FARP1: variants seen among roughly 807,000 people sequenced by gnomAD.
FARP1 encodes the protein FERM, ARHGEF and pleckstrin domain-containing protein 1.
In FARP1, 52 loss-of-function variants were observed where a neutral mutation model predicts 128.8. The ratio of observed to expected loss-of-function variants is 0.40; its 90% CI spans 0.32 to 0.51. The LOEUF (loss-of-function observed/expected upper bound fraction) is 0.51, where lower values mean the gene tolerates loss of function less well. Among genes scored for constraint, FARP1 ranks in the 20% least tolerant of loss-of-function variants. The probability of loss-of-function intolerance (pLI) is 0.45; values close to 1 mark genes in which losing one functional copy is unlikely to be tolerated. For synonymous variants in FARP1, 580 were observed against 551.8 expected (o/e 1.05, Z -0.72); for missense variants, 1,333 against 1,367.9 (o/e 0.97, Z 0.40).
chr13:98,208,662 AGT>A lies in FARP1; in HGVS notation c.-23-4554_-23-4553del, dbSNP rs1435370338. On this transcript the variant is annotated intron_variant, in intron 1 of 26. Transcript: ENST00000319562. The stretch of plus-strand genomic sequence containing the variant: ...TGATGGACCGTAGGTGAGGAAGGTG[AGT>A]GTGGGAGAAGTCAGGAGTAAATGGT... 2.6e-5 allele frequency: 4 copies of A among 152,992 alleles called. No individual in the cohort carries two copies. In the East Asian group the frequency reaches 7.8e-4, roughly 30 times the overall value. The allele number at this position is 152,992 out of a possible 1,614,324, so 9.5% of individuals were successfully genotyped here. A position where few individuals can be genotyped will look rare whatever the true frequency, so the allele number is the denominator to read the frequency against.
At chr13:98,292,867 C>T (rs1885512168) in intron 2 of FARP1, among the ~76,000 whole-genome samples, 1 of 152,126 alleles carries the variant, frequency 6.6e-6, no homozygotes, top group African/African-American at 2.4e-5. Flanking sequence ...CTGCTGGTAA[C>T]TCTGGTCTAG....
chr13:98,304,330 C>G (rs1221330150), intron 2 of FARP1, among the ~76,000 whole-genome samples: 1 of 152,174 alleles, frequency 6.6e-6, no homozygotes, highest in East Asian at 1.9e-4. Flanking sequence ...TTATGATTTT[C>G]ATTCATCTAA....
rs553329278 is a variant in FARP1, at chr13:98,324,352, C to A, written c.172-19410C>A. 2.0e-5 allele frequency among the ~76,000 whole-genome samples: 3 copies of A among 152,274 alleles called. No homozygotes were observed. The South Asian group carries it at 6.2e-4, about 32-fold the overall frequency. On this transcript the variant is annotated intron_variant, in intron 2 of 26. Transcript: ENST00000319562. ...AGTATGGAAAAGCGAAACACGGTTC[C>A]TGCTGCGCCCACTGCTTTTTGTGTA...
intron 10 of FARP1, 110 bp downstream of exon 10, chr13:98,390,230 C>T (rs1002549357): frequency 9.9e-6 from 12 of 1,214,962 alleles, no homozygotes; most frequent in African/African-American, 1.5e-5. Flanking sequence ...CATTGGCCTC[C>T]AGGAGCTATG....
intron 11 of FARP1, among the ~76,000 whole-genome samples, chr13:98,391,906 T>A (rs1284373676): frequency 1.3e-5 from 2 of 152,184 alleles, no homozygotes; most frequent in Non-Finnish European, 2.9e-5. Context: ...GTAGCGTTTT[T>A]AAAAAACTTT....
intron 2 of FARP1, among the ~76,000 whole-genome samples, chr13:98,225,533 C>T (rs567977621): frequency 4.7e-4 from 71 of 152,320 alleles, no homozygotes; most frequent in African/African-American, 1.6e-3. Context: ...CTTCGTTTCC[C>T]TTCCTTTCCA....
chr13:98,306,284 A>G (rs1285786225), intron 2 of FARP1, among the ~76,000 whole-genome samples: 1 of 152,184 alleles, frequency 6.6e-6, no homozygotes, highest in Non-Finnish European at 1.5e-5. Context: ...AAAAGGAGAA[A>G]TTGCCTGACC....
Position 98,448,202 on chromosome 13 carries a change from A to C in FARP1, c.3057-34A>C, listed in dbSNP as rs756892006. 4 of 1,591,402 alleles carry C rather than the reference A, an allele frequency of 2.5e-6. No individual in the cohort carries two copies. The South Asian group carries it at 3.3e-5, about 13-fold the overall frequency. On this transcript the variant is annotated intron_variant, in intron 26 of 26. Coordinates refer to ENST00000319562, the MANE Select transcript of FARP1 (RefSeq NM_005766.4). ...CAAAGTGTCAGGAGTCCGTCCAAAC[A>C]AAAGGTTGACTAACTGGCGTTCCCG...
Position 98,453,073 on chromosome 13 carries a change from C to G in FARP1, c.*4756C>G. On this transcript the variant is annotated 3_prime_UTR_variant, in exon 27 of 27. Transcript: ENST00000319562. The stretch of plus-strand genomic sequence containing the variant: ...GCTGGGGTGGCTCCCAGTGGCGCAC[C>G]TCTTCGGTGGAGTCAGCGAAGGCTC... 1 of 1,419,260 alleles carries G rather than the reference C, an allele frequency of 7.0e-7. No individual in the cohort carries two copies. The highest frequency in any genetic ancestry group is 9.8e-7 in the Non-Finnish European group (1 of 1,021,320). The allele number at this position is 1,419,260 out of a possible 1,614,324, so 87.9% of individuals were successfully genotyped here.
chr13:98,448,426 T>G lies in FARP1; in HGVS notation c.*109T>G, dbSNP rs1892998668. 6.5e-6 allele frequency: 6 copies of G among 916,394 alleles called. No individual in the cohort carries two copies. In the Admixed American group the frequency reaches 9.5e-5, roughly 15 times the overall value. 56.8% of individuals were successfully genotyped at this position (916,394 alleles called of 1,614,324 possible). On this transcript the variant is annotated 3_prime_UTR_variant, in exon 27 of 27. Transcript: ENST00000319562. ...AACACCTGTCTGAAAATCAAAAACATGGCTTCCCAGCAGCTCTCCTGTCTC... is the reference window on the plus strand; with the variant it reads ...AACACCTGTCTGAAAATCAAAAACAGGGCTTCCCAGCAGCTCTCCTGTCTC...
chr13:98,421,819 C>G (rs551749772), intron 16 of FARP1, among the ~76,000 whole-genome samples: 1 of 151,942 alleles, frequency 6.6e-6, no homozygotes, highest in Non-Finnish European at 1.5e-5. Context: ...TACCACCACA[C>G]TCCACCCTGG....
At position 98,411,934 on chromosome 13, in the gene FARP1, A is replaced by G. The variant is rs1011650523; in HGVS notation, c.1726A>G (p.Met576Val). 3.7e-6 allele frequency: 6 copies of G among 1,614,076 alleles called. No homozygotes were observed. Among genetic ancestry groups the G allele is most frequent in the Non-Finnish European group, 5.1e-6 (6 of 1,179,996 alleles). Reference sequence around the variant, plus strand: ...GAGCACAGTGAGCAAAGAGGACGCCATGCCGGAAGCACTGAAAAGTCTCAT... The same window carrying G: ...GAGCACAGTGAGCAAAGAGGACGCCGTGCCGGAAGCACTGAAAAGTCTCAT... ...FQSTVSKEDAMPEALKSLIFP... is the reference protein window; with the variant it reads ...FQSTVSKEDAVPEALKSLIFP... Residue 576 changes from methionine (M) to valine (V), a missense_variant, in exon 16 of 27, where the codon ATG (methionine) becomes GTG (valine). Coordinates refer to ENST00000319562, the MANE Select transcript of FARP1 (RefSeq NM_005766.4).
chr13:98,424,928 G>A (rs1286294763), intron 17 of FARP1, among the ~76,000 whole-genome samples: 1 of 150,954 alleles, frequency 6.6e-6, no homozygotes, highest in African/African-American at 2.4e-5. Flanking sequence ...GCTATCGTTA[G>A]TGTTAGTGTA....
At chr13:98,185,704 G>A (rs1199705396) in intron 1 of FARP1, among the ~76,000 whole-genome samples, 1 of 149,942 alleles carries the variant, frequency 6.7e-6, no homozygotes, top group Admixed American at 6.7e-5. Flanking sequence ...GGGTTTGTTT[G>A]TTTGTTTTTT....
chr13:98,364,929 G>C (rs1210036222), intron 3 of FARP1, among the ~76,000 whole-genome samples: 9 of 152,176 alleles, frequency 5.9e-5, no homozygotes, highest in Admixed American at 3.9e-4. Context: ...GTAGCTTATA[G>C]GTAGTGCATG....
intron 1 of FARP1, among the ~76,000 whole-genome samples, chr13:98,198,492 G>A (rs574877081): frequency 4.3e-4 from 65 of 152,298 alleles, no homozygotes; most frequent in Non-Finnish European, 7.8e-4. Context: ...GGTACTTTGG[G>A]AGGCTGAGGT....
At chr13:98,155,442 A>G (rs1201338155) in intron 1 of FARP1, among the ~76,000 whole-genome samples, 1 of 151,954 alleles carries the variant, frequency 6.6e-6, no homozygotes, top group East Asian at 1.9e-4. Context: ...ATACCTTACA[A>G]CATGGTGGCT....
intron 2 of FARP1, among the ~76,000 whole-genome samples, chr13:98,273,608 A>G (rs1434861169): frequency 6.6e-6 from 1 of 152,240 alleles, no homozygotes; most frequent in Non-Finnish European, 1.5e-5. Flanking sequence ...CTGGGGCCTC[A>G]TCTCTCTAAC....
chr13:98,363,176 C>T (rs575432491), intron 3 of FARP1, among the ~76,000 whole-genome samples: 10 of 152,132 alleles, frequency 6.6e-5, no homozygotes, highest in Non-Finnish European at 1.2e-4. Context: ...GTGGCCTTGG[C>T]GGGGCCAGGC....
Sources: gnomAD v4.1 joint callset for allele counts (sites outside exome capture counted in the v4.1 genomes callset) on GRCh38, gnomAD v4.1.1 for gene constraint, MANE v1.5 for transcripts, NCBI Gene and HGNC (gene_info 2026-07-23, HGNC 2026-07-21) for gene names.